The following VPS45 variants were observed in gnomAD, a reference collection of about 807,000 sequenced individuals.
VPS45 encodes the protein vacuolar protein sorting 45 homolog.
VPS45 carries 35 observed loss-of-function variants against 75.9 expected under a neutral mutation model. The ratio of observed to expected loss-of-function variants is 0.46; its 90% CI spans 0.35 to 0.61. The LOEUF is 0.61. Among genes scored for constraint, VPS45 ranks in the 20% least tolerant of loss-of-function variants. VPS45 has a pLI of 0.00. For synonymous variants in VPS45, 220 were observed against 238.2 expected (o/e 0.92, Z 0.70); for missense variants, 559 against 685.9 (o/e 0.81, Z 2.07).
chr1:150,074,172 G>A (rs782047421), intron 3 of VPS45, among the ~76,000 whole-genome samples: 11 of 151,382 alleles, frequency 7.3e-5, no homozygotes, highest in Non-Finnish European at 1.6e-4. Context: ...ACACCACCAC[G>A]CCCAGCTAAT....
chr1:150,084,144 TA>T lies in VPS45; in HGVS notation c.1104+1264del, dbSNP rs1245975142. Among the ~76,000 whole-genome samples the T allele has an allele frequency of 7.9e-5, 12 of 152,084 alleles. 1 individual carries two copies. The highest frequency in any genetic ancestry group is 2.9e-4 in the African/African-American group (12 of 41,412). ...AGATGTAGAAATATGCAGGAAGTAA[TA>T]AACAGTTTGACCTGTAGAGAGTGAG... is the stretch of plus-strand genomic sequence containing the variant. On this transcript the variant is annotated intron_variant, in intron 10 of 14. Coordinates refer to ENST00000644510, the MANE Select transcript of VPS45 (RefSeq NM_007259.5).
chr1:150,122,212 A>G (rs897832211), intron 14 of VPS45, among the ~76,000 whole-genome samples: 9 of 152,030 alleles, frequency 5.9e-5, no homozygotes, highest in Admixed American at 3.3e-4. Flanking sequence ...TCCCAGCTAC[A>G]TGGGAGGCTG....
chr1:150,135,665 C>A lies in VPS45; in HGVS notation c.1626-9044C>A, dbSNP rs1426656516. Among the ~76,000 whole-genome samples the A allele has an allele frequency of 2.6e-5, 4 of 151,304 alleles. No individual in the cohort carries two copies. In the East Asian group the frequency reaches 8.0e-4, roughly 30 times the overall value. On this transcript the variant is annotated intron_variant, in intron 14 of 14. Transcript: ENST00000644510. ...CTTAGGACTCATAATTCATTTGCTT[C>A]TTTTTGTCCTCTGTCGCCCAGGCTA...
chr1:150,091,930 T>C lies in VPS45; in HGVS notation c.1105-7T>C, dbSNP rs782231074. 6.2e-7 allele frequency: 1 copy of C among 1,611,064 alleles called. No individual in the cohort carries two copies. Among genetic ancestry groups the C allele is most frequent in the East Asian group, 2.2e-5 (1 of 44,846 alleles). The stretch of plus-strand genomic sequence containing the variant: ...GGGGGATAAATATAAGTTCTATCTT[T>C]CTTCAGAATATAAAAAGGCTTCTGC... On this transcript the variant is annotated splice_region_variant and splice_polypyrimidine_tract_variant and intron_variant, in intron 10 of 14. Transcript: ENST00000644510.
rs372202920 is a variant in VPS45, at chr1:150,088,196, A to G, written c.1105-3741A>G. On this transcript the variant is annotated intron_variant, in intron 10 of 14. Transcript: ENST00000644510. ...TCCTGCTATCTAACTGTAGCTTTGT[A>G]CCTATTAACCAATTTCTAACCACCC... 2.0e-5 allele frequency among the ~76,000 whole-genome samples: 3 copies of G among 152,190 alleles called. No individual in the cohort carries two copies. In the South Asian group the frequency reaches 6.2e-4, roughly 32 times the overall value.
chr1:150,073,800 C>A (rs2101503098), intron 3 of VPS45, among the ~76,000 whole-genome samples: 1 of 152,116 alleles, frequency 6.6e-6, no homozygotes, highest in South Asian at 2.1e-4. Flanking sequence ...TATAAGGATC[C>A]CTTTTATTAG....
At chr1:150,073,050 G>C (rs1655170070) in intron 3 of VPS45, among the ~76,000 whole-genome samples, 1 of 152,116 alleles carries the variant, frequency 6.6e-6, no homozygotes, top group Non-Finnish European at 1.5e-5. Context: ...TTCTTGGAGT[G>C]GGGGTTAGGT....
At chr1:150,099,489 G>T (rs1450492785) in intron 13 of VPS45, among the ~76,000 whole-genome samples, 1 of 136,948 alleles carries the variant, frequency 7.3e-6, no homozygotes, top group East Asian at 2.1e-4. Context: ...TCCAGTCTGG[G>T]CGACAGAGTG....
At chr1:150,082,144 A>G (rs1424690026) in intron 9 of VPS45, 147 bp downstream of exon 9, 7 of 597,144 alleles carry the variant, frequency 1.2e-5, no homozygotes, top group African/African-American at 1.1e-4. Flanking sequence ...TCTTTAAACA[A>G]TATAGTGAAA....
In VPS45 at chr1:150,068,140, T is replaced by C. The variant is rs1654829654; in HGVS notation, c.93+190T>C. On this transcript the variant is annotated intron_variant, in intron 1 of 14. Transcript: ENST00000644510. ...AGTCTACATGGCTCCAGCCACTGCC[T>C]AGAGACTACTTCTACCCGGAACAAT... 6.9e-6 allele frequency: 4 copies of C among 580,538 alleles called. No individual in the cohort carries two copies. The Admixed American group carries it at 1.3e-4, about 19-fold the overall frequency. The allele number at this position is 580,538 out of a possible 1,614,324, so 36.0% of individuals were successfully genotyped here.
In VPS45 at chr1:150,083,685, A is replaced by C. The variant is rs1305627096; in HGVS notation, c.1104+802A>C. ...ATATATATATTTTCTATATATATAT[A>C]AAATATTTATATTTGAAATATACAT... On this transcript the variant is annotated intron_variant, in intron 10 of 14. Coordinates refer to ENST00000644510, the MANE Select transcript of VPS45 (RefSeq NM_007259.5). Among the ~76,000 whole-genome samples the C allele has an allele frequency of 1.8e-4, 26 of 148,428 alleles. 1 individual carries two copies. The Admixed American group carries it at 1.8e-3, about 10-fold the overall frequency.
At chr1:150,118,381 A>G (rs1658054727) in intron 14 of VPS45, among the ~76,000 whole-genome samples, 1 of 151,976 alleles carries the variant, frequency 6.6e-6, no homozygotes, top group African/African-American at 2.4e-5. Flanking sequence ...GTTTTCCTTA[A>G]ATTAGTGTTC....
At chr1:150,124,395 G>A (rs1658394267) in intron 14 of VPS45, among the ~76,000 whole-genome samples, 1 of 151,920 alleles carries the variant, frequency 6.6e-6, no homozygotes, top group South Asian at 2.1e-4. Flanking sequence ...GGAGGCAGAG[G>A]TTACAGTAAG....
intron 13 of VPS45, among the ~76,000 whole-genome samples, chr1:150,107,164 A>G (rs1426167334): frequency 5.3e-5 from 8 of 152,308 alleles, no homozygotes; most frequent in African/African-American, 1.9e-4. Context: ...ATCTCCCTAG[A>G]TAAAACTCAT....
intron 14 of VPS45, among the ~76,000 whole-genome samples, chr1:150,134,921 A>G (rs1213539156): frequency 6.6e-6 from 1 of 152,228 alleles, no homozygotes; most frequent in African/African-American, 2.4e-5. Context: ...TGGGAGCATT[A>G]AGGAGTATAT....
At chr1:150,120,943 C>A (rs1553809446) in intron 14 of VPS45, among the ~76,000 whole-genome samples, 2 of 145,400 alleles carry the variant, frequency 1.4e-5, no homozygotes, top group Non-Finnish European at 3.0e-5. Context: ...TCTCGGCTCA[C>A]TGCAAGCTTC....
At chr1:150,109,399 A>G (rs2101606432) in intron 13 of VPS45, 1 of 152,264 alleles carries the variant, frequency 6.6e-6, no homozygotes, top group South Asian at 2.1e-4. Flanking sequence ...ACAATAGCTG[A>G]TTCTGTTTCA....
In VPS45 at chr1:150,077,645, A is replaced by G. The variant is rs199791141; in HGVS notation, c.577-24A>G. 9.8e-6 allele frequency: 15 copies of G among 1,533,748 alleles called. No individual in the cohort carries two copies. In the East Asian group the frequency reaches 2.9e-4, roughly 30 times the overall value. On this transcript the variant is annotated intron_variant, in intron 6 of 14. Transcript: ENST00000644510. ...TATATGTAACTAGATGGTTGCACAAACCATCTTTCTCTCTCACCCACAGCA... is the reference window on the plus strand; with the variant it reads ...TATATGTAACTAGATGGTTGCACAAGCCATCTTTCTCTCTCACCCACAGCA...
intron 14 of VPS45, among the ~76,000 whole-genome samples, chr1:150,118,422 T>G (rs1553808878): frequency 1.3e-5 from 2 of 152,074 alleles, no homozygotes; most frequent in Non-Finnish European, 2.9e-5. Flanking sequence ...TTTGTTTTTT[T>G]GGGGACGGAG....
Sources: allele counts gnomAD v4.1 joint callset (sites outside exome capture counted in the v4.1 genomes callset), GRCh38; gene constraint gnomAD v4.1.1; transcripts MANE v1.5; gene names NCBI Gene and HGNC (gene_info 2026-07-23, HGNC 2026-07-21).